MXRA7: variants seen among roughly 807,000 people sequenced by gnomAD.
MXRA7 encodes matrix remodeling associated 7.
A neutral mutation model predicts 17.4 loss-of-function variants in MXRA7; 18 were observed. That is an observed-to-expected ratio of 1.03 (90% confidence interval 0.71 to 1.53). MXRA7 has a LOEUF of 1.53. MXRA7 is among the 40% of genes most tolerant of loss of function. MXRA7 has a pLI of 0.00. For missense variants in MXRA7, 141 were observed against 209.3 expected, an observed-to-expected ratio of 0.67 and a Z score of 2.01; for synonymous variants, 70 against 101.7, an observed-to-expected ratio of 0.69 and a Z score of 1.87.
chr17:76,698,368 G>C (rs1259319119), intron 1 of MXRA7, among the ~76,000 whole-genome samples: 3 of 152,088 alleles, frequency 2.0e-5, no homozygotes, highest in African/African-American at 4.8e-5. Flanking sequence ...ATGGGCGGGG[G>C]GGGAGCAGCA....
Position 76,710,587 on chromosome 17 carries a change from G to A in MXRA7, c.342+18C>T, listed in dbSNP as rs1427584287. 100 of 1,299,992 alleles carry A rather than the reference G, an allele frequency of 7.7e-5. No individual in the cohort carries two copies. The highest frequency in any genetic ancestry group is 6.6e-5 in the East Asian group (2 of 30,332). 80.5% of individuals were successfully genotyped at this position (1,299,992 alleles called of 1,614,324 possible). ...GCCCCGGGGGTGGGGAGGGGGCCGC[G>A]AGGGCCCCGGTGCGTACCTGCCTCG... is the stretch of plus-strand genomic sequence containing the variant. On this transcript the variant is annotated intron_variant, in intron 1 of 3. Coordinates refer to ENST00000449428, the MANE Select transcript of MXRA7 (RefSeq NM_198530.4).
intron 1 of MXRA7, chr17:76,688,538 A>G: frequency 7.8e-7 from 1 of 1,276,476 alleles, no homozygotes; most frequent in Non-Finnish European, 9.9e-7. Flanking sequence ...GCAAGAGGAA[A>G]GCTGGCTGGG....
At chr17:76,691,405 C>T (rs190821206) in intron 1 of MXRA7, among the ~76,000 whole-genome samples, 6 of 152,266 alleles carry the variant, frequency 3.9e-5, no homozygotes, top group South Asian at 2.1e-4. Context: ...CTCCGTAAGA[C>T]GCTGTAGCAA....
At chr17:76,677,843 A>C (rs1462579860), downstream of MXRA7, 1 of 623,718 alleles carries the variant, frequency 1.6e-6, no homozygotes, top group African/African-American at 1.8e-5. Context: ...AAGAAAATGA[A>C]AATAAAACCC....
At chr17:76,677,713 G>A (rs752141020), downstream of MXRA7, 4 of 1,603,430 alleles carry the variant, frequency 2.5e-6, no homozygotes, top group Admixed American at 6.7e-5. Flanking sequence ...CTGTCGAGAA[G>A]AAAGGACAAA....
exon 4 of MXRA7, chr17:76,673,195 A>G (rs1457233548): frequency 6.6e-6 from 1 of 152,192 alleles, no homozygotes; most frequent in Admixed American, 6.5e-5. Flanking sequence ...ACAGGATGTA[A>G]TCTTGGGCAA....
chr17:76,682,689 G>A (rs2076322698), intron 3 of MXRA7, among the ~76,000 whole-genome samples: 1 of 152,156 alleles, frequency 6.6e-6, no homozygotes, highest in African/African-American at 2.4e-5. Context: ...GGGGGAGCAA[G>A]CAGATGCCAC....
At position 76,688,348 on chromosome 17, in the gene MXRA7, A is replaced by C. The variant is rs1233901518; in HGVS notation, c.343-172T>G. ...CAACCAGCAGGTGGGGGCTGTGTACAAACGATGGGCCAAAGTGACTCGGCT... is the reference window on the plus strand; with the variant it reads ...CAACCAGCAGGTGGGGGCTGTGTACCAACGATGGGCCAAAGTGACTCGGCT... On this transcript the variant is annotated intron_variant, in intron 1 of 3. Transcript: ENST00000449428. The C allele has an allele frequency of 6.9e-6, 10 of 1,444,298 alleles. 1 individual carries two copies. In the South Asian group the frequency reaches 1.5e-4, roughly 21 times the overall value. 89.5% of individuals were successfully genotyped at this position (1,444,298 alleles called of 1,614,324 possible).
chr17:76,695,895 C>G lies in MXRA7; in HGVS notation c.343-7719G>C, dbSNP rs529904945. 3.1e-3 allele frequency among the ~76,000 whole-genome samples: 469 copies of G among 152,132 alleles called. 2 individuals are homozygous for G. Among genetic ancestry groups the G allele is most frequent in the African/African-American group, 0.011 (455 of 41,508 alleles). On this transcript the variant is annotated intron_variant, in intron 1 of 3. Transcript: ENST00000449428. ...ATCATTTGAGGCCAGGAGTTCAAGACCAGCTTGGCCAACACGGTGAGACCC... is the reference window on the plus strand; with the variant it reads ...ATCATTTGAGGCCAGGAGTTCAAGAGCAGCTTGGCCAACACGGTGAGACCC...
rs762628124 is a variant in MXRA7, at chr17:76,688,746, G to A, written c.343-570C>T. ...GGAATGGCCCGGGATGGCCTTGGTG[G>A]AAGGAAGAAGTGACTTCAGCTTGCA... On this transcript the variant is annotated intron_variant, in intron 1 of 3. Coordinates refer to ENST00000449428, the MANE Select transcript of MXRA7 (RefSeq NM_198530.4). 14 of 1,124,392 alleles carry A rather than the reference G, an allele frequency of 1.2e-5. No homozygotes were observed. In the East Asian group the frequency reaches 4.5e-4, roughly 36 times the overall value. The allele number at this position is 1,124,392 out of a possible 1,614,324, so 69.7% of individuals were successfully genotyped here.
chr17:76,702,890 T>TATATATATATATATATATATATA (rs1251035840), intron 1 of MXRA7, among the ~76,000 whole-genome samples: 1 of 149,580 alleles, frequency 6.7e-6, no homozygotes. Flanking sequence ...TATATATATA[T>TATATATATATATATATATATATA]CTTGAGGAGG....
At chr17:76,691,723 G>C (rs2076480650) in intron 1 of MXRA7, among the ~76,000 whole-genome samples, 1 of 152,160 alleles carries the variant, frequency 6.6e-6, no homozygotes, top group Non-Finnish European at 1.5e-5. Context: ...CAGAAAAACA[G>C]TTGGTTTTTC....
Position 76,680,512 on chromosome 17 carries a change from T to C in MXRA7, c.*355A>G, listed in dbSNP as rs1049985939. On this transcript the variant is annotated 3_prime_UTR_variant, in exon 4 of 4. Transcript: ENST00000449428. ...AGACTGGAGTGAAAGTGAACTCTGC[T>C]TTTAAAATGTTCTTTTTATCTAAGG... 3 of 1,031,932 alleles carry C rather than the reference T, an allele frequency of 2.9e-6. No individual in the cohort carries two copies. Among genetic ancestry groups the C allele is most frequent in the Non-Finnish European group, 3.5e-6 (3 of 860,454 alleles). 63.9% of individuals were successfully genotyped at this position (1,031,932 alleles called of 1,614,324 possible).
At chr17:76,702,279 G>C (rs1219929781) in intron 1 of MXRA7, among the ~76,000 whole-genome samples, 1 of 152,216 alleles carries the variant, frequency 6.6e-6, no homozygotes, top group Non-Finnish European at 1.5e-5. Flanking sequence ...GGCAGAGGCA[G>C]GAGGTTGGAT....
intron 1 of MXRA7, chr17:76,709,746 G>C (rs534696053): frequency 1.3e-5 from 2 of 152,764 alleles, no homozygotes; most frequent in Non-Finnish European, 1.5e-5. Flanking sequence ...GTGAACTCCA[G>C]GGAACATGGG....
chr17:76,686,493 A>G (rs191563373), intron 2 of MXRA7, among the ~76,000 whole-genome samples: 1 of 152,050 alleles, frequency 6.6e-6, no homozygotes, highest in African/African-American at 2.4e-5. Context: ...CCTACCCCCC[A>G]AAAAAAGAAA....
At chr17:76,708,256 C>G (rs979705893) in intron 1 of MXRA7, among the ~76,000 whole-genome samples, 1 of 152,208 alleles carries the variant, frequency 6.6e-6, no homozygotes, top group Non-Finnish European at 1.5e-5. Flanking sequence ...CCAGGCCTCC[C>G]TGGGAAGGGA....
intron 1 of MXRA7, among the ~76,000 whole-genome samples, chr17:76,709,321 C>T (rs1412090885): frequency 6.6e-6 from 1 of 152,182 alleles, no homozygotes; most frequent in Non-Finnish European, 1.5e-5. Flanking sequence ...CATGTCCAAA[C>T]CGCGCCCCCT....
intron 1 of MXRA7, among the ~76,000 whole-genome samples, chr17:76,697,637 C>G (rs1191414625): frequency 1.3e-5 from 2 of 152,180 alleles, no homozygotes; most frequent in African/African-American, 4.8e-5. Context: ...TCTAATTCAG[C>G]TTTTCCCTCC....
Sources: allele counts gnomAD v4.1 joint callset (sites outside exome capture counted in the v4.1 genomes callset), GRCh38; gene constraint gnomAD v4.1.1; transcripts MANE v1.5; gene names NCBI Gene and HGNC (gene_info 2026-07-23, HGNC 2026-07-21).